Variants in SPATA22 observed in about 807,000 individuals in gnomAD.
The protein encoded by SPATA22 is spermatogenesis associated 22.
In SPATA22, 29 loss-of-function variants were observed where a neutral mutation model predicts 47.8. The ratio of observed to expected loss-of-function variants is 0.61; its 90% CI spans 0.45 to 0.83. The LOEUF (loss-of-function observed/expected upper bound fraction) is 0.83. Among genes scored for constraint, SPATA22 ranks in the 40% least tolerant of loss-of-function variants. SPATA22 has a pLI of 0.00. For missense variants in SPATA22, 410 were observed against 421.7 expected (o/e 0.97, Z 0.24); for synonymous variants, 133 against 140.9 (o/e 0.94, Z 0.40).
intron 1 of SPATA22, chr17:3,494,260 T>G: frequency 1.0e-6 from 1 of 991,480 alleles, no homozygotes; most frequent in Non-Finnish European, 1.6e-6. Flanking sequence ...CAACTCGGCC[T>G]CCCAAAGTGC....
chr17:3,507,838 A>G (rs980695213), intron 1 of SPATA22, among the ~76,000 whole-genome samples: 1 of 152,198 alleles, frequency 6.6e-6, no homozygotes, highest in South Asian at 2.1e-4. Context: ...CAAGAACCAT[A>G]AAAATGTTGA....
intron 1 of SPATA22, among the ~76,000 whole-genome samples, chr17:3,484,606 T>C (rs2073688096): frequency 6.6e-6 from 1 of 152,242 alleles, no homozygotes; most frequent in African/African-American, 2.4e-5. Flanking sequence ...AGGCCATTGC[T>C]GATTTCCAAT....
intron 2 of SPATA22, 116 bp from the exon 3 acceptor site, chr17:3,467,670 ACT>A: frequency 2.9e-6 from 2 of 697,920 alleles, no homozygotes; most frequent in Non-Finnish European, 2.1e-6. Flanking sequence ...ATGCTAATAT[ACT>A]TATAGATTTC....
chr17:3,482,585 T>C (rs1033713891), intron 1 of SPATA22, among the ~76,000 whole-genome samples: 12 of 152,168 alleles, frequency 7.9e-5, no homozygotes, highest in African/African-American at 2.7e-4. Context: ...CTTCATTTTA[T>C]AAAATTGGTG....
chr17:3,447,603 G>T (rs190450465), intron 6 of SPATA22, among the ~76,000 whole-genome samples: 3 of 152,020 alleles, frequency 2.0e-5, no homozygotes, highest in African/African-American at 4.8e-5. Flanking sequence ...ATTTTACCCC[G>T]ATGGCTTTTT....
At chr17:3,440,401 A>C in intron 8 of SPATA22, 63 bp from the exon 9 acceptor site, 1 of 1,380,542 alleles carries the variant, frequency 7.2e-7, no homozygotes, top group Non-Finnish European at 9.7e-7. Flanking sequence ...CAATTTTTTA[A>C]ATATTTATGT....
At chr17:3,487,073 C>CGTGTGTGTGTGTGT (rs59690349) in intron 1 of SPATA22, among the ~76,000 whole-genome samples, 148 of 150,880 alleles carry the variant, frequency 9.8e-4, no homozygotes, top group East Asian at 3.9e-3. Flanking sequence ...TGTGTGTGTG[C>CGTGTGTGTGTGTGT]GTGTGTGTGT....
In SPATA22 at chr17:3,485,871, G is replaced by A. The variant is rs1267221005; in HGVS notation, c.-73-16473C>T. 6.6e-6 allele frequency among the ~76,000 whole-genome samples: 1 copy of A among 151,938 alleles called. No individual in the cohort carries two copies. The highest frequency in any genetic ancestry group is 1.5e-5 in the Non-Finnish European group (1 of 68,008). On this transcript the variant is annotated intron_variant, in intron 1 of 8. Transcript: ENST00000541913. The surrounding 1 kb of genome is among the most constrained non-coding windows in gnomAD (Gnocchi z 4.4). ...CATTACCCAAGCTCCAGTTCCCACA[G>A]GGTGACATAGAGAGAGCCAGATGGC...
At chr17:3,509,179 A>G (rs995193844) in intron 1 of SPATA22, among the ~76,000 whole-genome samples, 1 of 151,772 alleles carries the variant, frequency 6.6e-6, no homozygotes, top group African/African-American at 2.4e-5. Context: ...TGATGGATAG[A>G]GCCCTCATTT....
intron 1 of SPATA22, among the ~76,000 whole-genome samples, chr17:3,469,827 G>A (rs1354793395): frequency 1.3e-5 from 2 of 152,132 alleles, no homozygotes; most frequent in East Asian, 1.9e-4. Context: ...ATCTGCCTTT[G>A]CATCAGTTTG....
chr17:3,442,175 A>C (rs1359342328), intron 8 of SPATA22, among the ~76,000 whole-genome samples: 1 of 152,044 alleles, frequency 6.6e-6, no homozygotes. Context: ...AAAACTTCAG[A>C]CTAGATAAAA....
chr17:3,445,635 G>A (rs1244297510), intron 7 of SPATA22, among the ~76,000 whole-genome samples: 6 of 152,158 alleles, frequency 3.9e-5, no homozygotes, highest in East Asian at 1.9e-4. Flanking sequence ...TGAATACAGC[G>A]TGCTTTACTC....
chr17:3,468,852 A>G (rs1294310633), intron 2 of SPATA22: 3 of 915,930 alleles, frequency 3.3e-6, no homozygotes, highest in East Asian at 1.2e-4. Flanking sequence ...TTCATTATGC[A>G]TCATCATTCC....
chr17:3,441,117 T>G (rs1326519260), intron 8 of SPATA22: 1 of 152,044 alleles, frequency 6.6e-6, no homozygotes, highest in Non-Finnish European at 1.5e-5. Flanking sequence ...GAAGTTGCTT[T>G]CATTAAATAG....
chr17:3,505,757 T>G (rs1237737700), intron 1 of SPATA22, among the ~76,000 whole-genome samples: 1 of 21,090 alleles, frequency 4.7e-5, no homozygotes, highest in Non-Finnish European at 3.6e-4. Context: ...TTGTTTTTTG[T>G]TTTTTTTTTT....
In SPATA22 at chr17:3,469,374, A is replaced by G; in HGVS notation, c.-49T>C. 1 of 1,435,162 alleles carries G rather than the reference A, an allele frequency of 7.0e-7. No individual in the cohort carries two copies. The highest frequency in any genetic ancestry group is 9.5e-7 in the Non-Finnish European group (1 of 1,054,132). 88.9% of individuals were successfully genotyped at this position (1,435,162 alleles called of 1,614,324 possible). On this transcript the variant is annotated 5_prime_UTR_variant, in exon 2 of 9. Transcript: ENST00000572969. Reference sequence around the variant, plus strand: ...ATTTTCTATTCAGCATTCCAAATTTATAATATGACATTGTCCCACTAGACC... The same window carrying G: ...ATTTTCTATTCAGCATTCCAAATTTGTAATATGACATTGTCCCACTAGACC...
intron 1 of SPATA22, among the ~76,000 whole-genome samples, chr17:3,470,433 C>G (rs970172371): frequency 6.6e-6 from 1 of 152,142 alleles, no homozygotes; most frequent in African/African-American, 2.4e-5. Context: ...TGTTAACTTT[C>G]AAATATCGTT....
chr17:3,456,871 C>G (rs1339294981), intron 5 of SPATA22, among the ~76,000 whole-genome samples: 3 of 151,242 alleles, frequency 2.0e-5, no homozygotes, highest in Non-Finnish European at 4.4e-5. Context: ...GGCTTCATCC[C>G]TGGGATGCAA....
At chr17:3,440,689 C>T (rs2072578721) in intron 8 of SPATA22, 1 of 166,344 alleles carries the variant, frequency 6.0e-6, no homozygotes, top group Admixed American at 6.3e-5. Flanking sequence ...AACAGCTCAT[C>T]AGATGACAAT....
Sources: allele counts gnomAD v4.1 joint callset (sites outside exome capture counted in the v4.1 genomes callset), GRCh38; gene constraint gnomAD v4.1.1; non-coding constraint Gnocchi (gnomAD v3.1); transcripts MANE v1.5; gene names NCBI Gene and HGNC (gene_info 2026-07-23, HGNC 2026-07-21).